Variants in ARID5B observed in about 807,000 individuals in gnomAD.
ARID5B encodes the protein AT-rich interaction domain 5B.
Under a neutral mutation model 97.2 loss-of-function variants are expected in ARID5B, and 13 were observed. The observed-to-expected ratio is 0.13, with a 90% confidence interval of 0.09 to 0.21. ARID5B has a LOEUF of 0.21. Ranked by LOEUF, ARID5B falls within the 10% of genes least tolerant of loss-of-function variation. The pLI, the probability that ARID5B is intolerant of heterozygous loss-of-function variation, is 1.00. For missense variants in ARID5B, 1,210 were observed against 1,465.3 expected, an observed-to-expected ratio of 0.83 and a Z score of 2.84; for synonymous variants, 556 against 570.3, an observed-to-expected ratio of 0.97 and a Z score of 0.36.
chr10:62,045,923 G>C (rs1183676046), intron 4 of ARID5B, among the ~76,000 whole-genome samples: 1 of 152,240 alleles, frequency 6.6e-6, no homozygotes, highest in Non-Finnish European at 1.5e-5. Flanking sequence ...AATCGAATGA[G>C]TTAACGCTCC....
At chr10:61,966,882 A>C (rs1838552546) in intron 3 of ARID5B, among the ~76,000 whole-genome samples, 1 of 152,158 alleles carries the variant, frequency 6.6e-6, no homozygotes, top group South Asian at 2.1e-4. Context: ...TGTGTAACCA[A>C]TGTGGCATAT....
intron 3 of ARID5B, among the ~76,000 whole-genome samples, chr10:61,969,738 T>C (rs1838599657): frequency 6.6e-6 from 1 of 152,216 alleles, no homozygotes; most frequent in Admixed American, 6.5e-5. Flanking sequence ...CTTCATATTC[T>C]ATTGTCTCAC....
chr10:61,951,644 T>G (rs1171220517), intron 3 of ARID5B, among the ~76,000 whole-genome samples: 1 of 152,224 alleles, frequency 6.6e-6, no homozygotes. Flanking sequence ...ATGTTTGTTT[T>G]AGAAAATATA....
chr10:61,986,951 A>G (rs1169120793), intron 3 of ARID5B, among the ~76,000 whole-genome samples: 1 of 152,176 alleles, frequency 6.6e-6, no homozygotes, highest in East Asian at 1.9e-4. Flanking sequence ...AAAGGAACCA[A>G]AGGAAGACTA....
In ARID5B at chr10:62,095,706, A is replaced by C. The variant is rs1429986880; in HGVS notation, c.*2676A>C. On this transcript the variant is annotated 3_prime_UTR_variant, in exon 10 of 10. Transcript: ENST00000279873. ...TGGAAATCTTTCAAAAAGACCATTG[A>C]ATTCTTCATTGGCTGAGAACGACGT... The C allele has an allele frequency of 5.2e-5, 12 of 232,640 alleles. No individual in the cohort carries two copies. The East Asian group carries it at 6.7e-4, about 13-fold the overall frequency. 14.4% of individuals were successfully genotyped at this position (232,640 alleles called of 1,614,324 possible).
intron 3 of ARID5B, among the ~76,000 whole-genome samples, chr10:61,985,749 G>A (rs537922728): frequency 3.5e-4 from 53 of 152,240 alleles, no homozygotes; most frequent in East Asian, 1.5e-3. Flanking sequence ...TGAGAATCAG[G>A]TGGTTGTGGA....
At position 61,972,812 on chromosome 10, in the gene ARID5B, C is replaced by A. The variant is rs73274338; in HGVS notation, c.503-27279C>A. On this transcript the variant is annotated intron_variant, in intron 3 of 9. Transcript: ENST00000279873. Reference sequence around the variant, plus strand: ...TTCAAAGCAGAATTCTCAGACTTTTCCTAGGTGCTGGTCAAACTGTAAAAA... The same window carrying A: ...TTCAAAGCAGAATTCTCAGACTTTTACTAGGTGCTGGTCAAACTGTAAAAA... Among the ~76,000 whole-genome samples the A allele has an allele frequency of 8.9e-3, 1,359 of 152,246 alleles. 24 individuals carry two copies. The highest frequency in any genetic ancestry group is 0.031 in the African/African-American group (1,296 of 41,530).
chr10:62,035,002 G>T (rs1431303712), intron 4 of ARID5B, among the ~76,000 whole-genome samples: 1 of 152,176 alleles, frequency 6.6e-6, no homozygotes, highest in East Asian at 1.9e-4. Context: ...GAGAGTCTTG[G>T]CAAAACAGGT....
chr10:61,978,773 G>C (rs1384625423), intron 3 of ARID5B, among the ~76,000 whole-genome samples: 1 of 152,062 alleles, frequency 6.6e-6, no homozygotes, highest in African/African-American at 2.4e-5. Flanking sequence ...GAGACGATGG[G>C]GTTTTCTAAA....
At chr10:61,950,552 C>G (rs1037735894) in intron 3 of ARID5B, among the ~76,000 whole-genome samples, 1 of 152,110 alleles carries the variant, frequency 6.6e-6, no homozygotes, top group Non-Finnish European at 1.5e-5. Flanking sequence ...CAACTGTAGC[C>G]CCAGCTACTC....
At chr10:61,990,139 C>T (rs140989277) in intron 3 of ARID5B, among the ~76,000 whole-genome samples, 358 of 152,314 alleles carry the variant, frequency 2.4e-3, no homozygotes, top group Non-Finnish European at 4.0e-3. Context: ...CTGACAGAGG[C>T]AAGAGGCCTT....
At chr10:61,938,383 C>G (rs1589226587) in intron 2 of ARID5B, among the ~76,000 whole-genome samples, 1 of 152,188 alleles carries the variant, frequency 6.6e-6, no homozygotes, top group African/African-American at 2.4e-5. Flanking sequence ...GCCAAATTCT[C>G]TCTTTACTAA....
intron 9 of ARID5B, among the ~76,000 whole-genome samples, chr10:62,087,424 G>GC (rs1329284061): frequency 6.8e-6 from 1 of 146,678 alleles, no homozygotes; most frequent in Non-Finnish European, 1.5e-5. Flanking sequence ...CACTTTTTAA[G>GC]CCCCCAACAG....
At chr10:61,959,982 T>C (rs929806275) in intron 3 of ARID5B, among the ~76,000 whole-genome samples, 6 of 152,162 alleles carry the variant, frequency 3.9e-5, no homozygotes, top group Non-Finnish European at 7.4e-5. Context: ...ATGAACTCCT[T>C]GTTAAGGACT....
At chr10:62,004,956 T>C (rs961244147) in intron 4 of ARID5B, among the ~76,000 whole-genome samples, 1 of 152,228 alleles carries the variant, frequency 6.6e-6, no homozygotes, top group African/African-American at 2.4e-5. Context: ...ACTAAATGGC[T>C]TAAGAAATGG....
intron 3 of ARID5B, among the ~76,000 whole-genome samples, chr10:61,990,287 G>C (rs1838905983): frequency 6.6e-6 from 1 of 152,214 alleles, no homozygotes; most frequent in South Asian, 2.1e-4. Context: ...TCAGCACTTA[G>C]AGCATGGTGG....
At position 62,066,331 on chromosome 10, in the gene ARID5B, G is replaced by GA. The variant is rs563442714; in HGVS notation, c.1102-3368dup. ...TACATCTAGAGACCAAAAAAACAGA[G>GA]ATGTGTGCCTAGGAGACCTGTGTAC... On this transcript the variant is annotated intron_variant, in intron 7 of 9. Transcript: ENST00000279873. Among the ~76,000 whole-genome samples the GA allele has an allele frequency of 1.2e-4, 18 of 152,264 alleles. No individual in the cohort carries two copies. In the East Asian group the frequency reaches 3.5e-3, roughly 29 times the overall value.
intron 4 of ARID5B, among the ~76,000 whole-genome samples, chr10:62,003,407 G>T (rs1279375210): frequency 6.6e-6 from 1 of 152,194 alleles, no homozygotes; most frequent in African/African-American, 2.4e-5. Context: ...GGCAGGGTTT[G>T]ATCTGGTTTT....
At chr10:61,921,160 T>C (rs1272778024) in intron 2 of ARID5B, among the ~76,000 whole-genome samples, 1 of 152,234 alleles carries the variant, frequency 6.6e-6, no homozygotes, top group Non-Finnish European at 1.5e-5. Context: ...GTGTTAAAGA[T>C]GGTTGTATCG....
Sources: gnomAD v4.1 joint callset for allele counts (sites outside exome capture counted in the v4.1 genomes callset) on GRCh38, gnomAD v4.1.1 for gene constraint, MANE v1.5 for transcripts, NCBI Gene and HGNC (gene_info 2026-07-23, HGNC 2026-07-21) for gene names.